CAMSAP1: variants seen among roughly 807,000 people sequenced by gnomAD.
The protein encoded by CAMSAP1 is calmodulin-regulated spectrin-associated protein 1.
Under a neutral mutation model 143.5 loss-of-function variants are expected in CAMSAP1, and 58 were observed. The ratio of observed to expected loss-of-function variants is 0.40; its 90% CI spans 0.33 to 0.50. The LOEUF is 0.50. Among genes scored for constraint, CAMSAP1 ranks in the 20% least tolerant of loss-of-function variants. The pLI is 0.45. For missense variants in CAMSAP1, 1,969 were observed against 2,115.7 expected, an observed-to-expected ratio of 0.93 and a Z score of 1.36; for synonymous variants, 945 against 859.3, an observed-to-expected ratio of 1.10 and a Z score of -1.74.
intron 7 of CAMSAP1, among the ~76,000 whole-genome samples, chr9:135,843,281 C>T (rs1836428671): frequency 6.6e-6 from 1 of 152,040 alleles, no homozygotes; most frequent in South Asian, 2.1e-4. Flanking sequence ...GAGCCAAGAC[C>T]ACACCATTGC....
At chr9:135,863,965 C>T (rs1325611414) in intron 4 of CAMSAP1, among the ~76,000 whole-genome samples, 1 of 152,178 alleles carries the variant, frequency 6.6e-6, no homozygotes, top group Non-Finnish European at 1.5e-5. Flanking sequence ...TCCGGAACTA[C>T]AAGAGTCCAG....
At position 135,820,352 on chromosome 9, in the gene CAMSAP1, C is replaced by T. The variant is rs781318601; in HGVS notation, c.3822+487G>A. Among the ~76,000 whole-genome samples the T allele has an allele frequency of 4.4e-4, 67 of 152,160 alleles. No homozygotes were observed. Among genetic ancestry groups the T allele is most frequent in the African/African-American group, 1.6e-3 (65 of 41,430 alleles). On this transcript the variant is annotated intron_variant, in intron 11 of 16. Transcript: ENST00000389532. The surrounding 1 kb of genome is among the most constrained non-coding windows in gnomAD (Gnocchi z 4.4). ...CTGACTATTAAAACAGTTCAGTTTA[C>T]GCTTCCCTTCATATCTAAGGAAAAA...
Position 135,822,863 on chromosome 9 carries a change from G to A in CAMSAP1, c.1798C>T (p.Leu600Phe), listed in dbSNP as rs1249707571. ...FFLEPLMPAV[L>F]KPAKEKQVIT... ...ACCTGCTTCTCTTTCGCTGGCTTAA[G>A]AACTGCTGGCATCAAAGGCTCCAAG... Residue 600 changes from leucine to phenylalanine, a missense_variant, in exon 11 of 17, where the codon CTT (leucine) becomes TTT (phenylalanine). Physicochemically the swap from Leu to Phe is conservative, Grantham distance 22 (BLOSUM62 0). This residue lies in a region of CAMSAP1 where 1,390 missense variants were observed against 1,420.8 expected (regional missense o/e 0.98). Transcript: ENST00000389532. The surrounding 1 kb of genome is among the most constrained non-coding windows in gnomAD (Gnocchi z 6.1). The A allele has an allele frequency of 1.2e-6, 2 of 1,613,834 alleles. No homozygotes were observed. The highest frequency in any genetic ancestry group is 2.7e-5 in the African/African-American group (2 of 74,904).
chr9:135,899,939 A>AT lies in CAMSAP1; in HGVS notation c.160+7060dup, dbSNP rs200682709. On this transcript the variant is annotated intron_variant, in intron 1 of 16. Transcript: ENST00000389532. ...CAAGCCCGTCATTATGGGTCTCTGT[A>AT]TATGCAGACACTTCCATTGCTACAG... Among the ~76,000 whole-genome samples the AT allele has an allele frequency of 3.4e-3, 511 of 152,250 alleles. 2 individuals carry two copies. The highest frequency in any genetic ancestry group is 0.014 in the Middle Eastern group (4 of 294).
chr9:135,853,595 A>T (rs1309179329), intron 5 of CAMSAP1, among the ~76,000 whole-genome samples: 1 of 152,266 alleles, frequency 6.6e-6, no homozygotes, highest in Non-Finnish European at 1.5e-5. Flanking sequence ...CAAGAGAAAT[A>T]GAAAAGCCGA....
chr9:135,895,970 C>G (rs1256205202), intron 1 of CAMSAP1, among the ~76,000 whole-genome samples: 1 of 151,910 alleles, frequency 6.6e-6, no homozygotes, highest in East Asian at 1.9e-4. Flanking sequence ...AGAAGAGAAA[C>G]AGGAACAAGA....
Position 135,811,218 on chromosome 9 carries a change from A to T in CAMSAP1, c.*91T>A. 1 of 1,388,450 alleles carries T rather than the reference A, an allele frequency of 7.2e-7. No individual in the cohort carries two copies. The highest frequency in any genetic ancestry group is 9.7e-7 in the Non-Finnish European group (1 of 1,029,914). The allele number at this position is 1,388,450 out of a possible 1,614,324, so 86.0% of individuals were successfully genotyped here. ...TCGTACCCAAATAGATGAAAACAAT[A>T]AATAAGGACCCCGTGGCACCCTCTG... is the stretch of plus-strand genomic sequence containing the variant. On this transcript the variant is annotated 3_prime_UTR_variant, in exon 17 of 17. Transcript: ENST00000389532. This position sits in a 1 kb window ranked among gnomAD's most constrained non-coding sequence, Gnocchi z 4.9.
chr9:135,906,966 CT>C (rs1406814714), intron 1 of CAMSAP1, 33 bp downstream of exon 1: 4 of 1,030,976 alleles, frequency 3.9e-6, no homozygotes, highest in South Asian at 4.4e-5. Context: ...GCCCGCGCCC[CT>C]GGCCCCCGCC....
chr9:135,885,772 A>C (rs189890386), intron 1 of CAMSAP1, among the ~76,000 whole-genome samples: 199 of 152,364 alleles, frequency 1.3e-3, no homozygotes, highest in African/African-American at 4.4e-3. Flanking sequence ...AGATGCAGGA[A>C]AATGAGAGTT....
chr9:135,897,231 T>C (rs530416146), intron 1 of CAMSAP1, among the ~76,000 whole-genome samples: 1 of 151,940 alleles, frequency 6.6e-6, no homozygotes, highest in Non-Finnish European at 1.5e-5. Context: ...TACAGCTCAT[T>C]GTAATCTCAA....
chr9:135,811,226 A>AC lies in CAMSAP1; in HGVS notation c.*82dup, dbSNP rs940138262. On this transcript the variant is annotated 3_prime_UTR_variant, in exon 17 of 17. Transcript: ENST00000389532. This position sits in a 1 kb window ranked among gnomAD's most constrained non-coding sequence, Gnocchi z 4.9. ...AAATAGATGAAAACAATAAATAAGG[A>AC]CCCCGTGGCACCCTCTGGATGCCAG... The AC allele has an allele frequency of 3.5e-6, 5 of 1,415,200 alleles. No homozygotes were observed. The highest frequency in any genetic ancestry group is 4.7e-5 in the Admixed American group (2 of 42,672). The allele number at this position is 1,415,200 out of a possible 1,614,324, so 87.7% of individuals were successfully genotyped here.
intron 8 of CAMSAP1, among the ~76,000 whole-genome samples, chr9:135,825,531 C>A (rs1427616273): frequency 6.6e-6 from 1 of 152,110 alleles, no homozygotes; most frequent in Non-Finnish European, 1.5e-5. Context: ...GTGTGAAGGC[C>A]TCACTCCCGG....
At chr9:135,849,214 C>T (rs138961598) in intron 7 of CAMSAP1, among the ~76,000 whole-genome samples, 3 of 152,168 alleles carry the variant, frequency 2.0e-5, no homozygotes, top group Admixed American at 6.5e-5. Context: ...TACAGCCGGG[C>T]GAAATCTAAC....
At chr9:135,841,932 GCCT>G (rs1255358969) in intron 7 of CAMSAP1, among the ~76,000 whole-genome samples, 5 of 152,268 alleles carry the variant, frequency 3.3e-5, no homozygotes, top group Non-Finnish European at 7.4e-5. Flanking sequence ...AAACCAGAAT[GCCT>G]CCTCTCCTCC....
intron 7 of CAMSAP1, among the ~76,000 whole-genome samples, chr9:135,846,107 ATCATGCTACCTGACT>A (rs1428582211): frequency 6.7e-6 from 1 of 148,864 alleles, no homozygotes; most frequent in Non-Finnish European, 1.5e-5. Flanking sequence ...AGCTGGAGGC[ATCATGCTACCTGACT>A]TCAAACTATA....
At chr9:135,854,288 A>G (rs1161839295) in intron 5 of CAMSAP1, among the ~76,000 whole-genome samples, 1 of 152,266 alleles carries the variant, frequency 6.6e-6, no homozygotes, top group Admixed American at 6.5e-5. Context: ...TTTCAAACAC[A>G]TATGGCACAC....
At chr9:135,812,938 A>AGAGT (rs1384214739) in intron 16 of CAMSAP1, among the ~76,000 whole-genome samples, 1 of 152,034 alleles carries the variant, frequency 6.6e-6, no homozygotes, top group African/African-American at 2.4e-5. Context: ...TCTGGGCGAC[A>AGAGT]GAGTGAGACT....
At chr9:135,849,279 T>C (rs920327310) in intron 7 of CAMSAP1, among the ~76,000 whole-genome samples, 2 of 152,230 alleles carry the variant, frequency 1.3e-5, no homozygotes, top group East Asian at 1.9e-4. Flanking sequence ...TACTGAATGC[T>C]GTACTGACAG....
intron 7 of CAMSAP1, among the ~76,000 whole-genome samples, chr9:135,828,372 G>T (rs117938832): frequency 1.3e-5 from 2 of 152,210 alleles, no homozygotes; most frequent in African/African-American, 4.8e-5. Context: ...AGCGGGTGGC[G>T]GCTGCACTGA....
Sources: allele counts gnomAD v4.1 joint callset (sites outside exome capture counted in the v4.1 genomes callset), GRCh38; gene constraint gnomAD v4.1.1; regional missense constraint gnomAD v4.1.1; non-coding constraint Gnocchi (gnomAD v3.1); transcripts MANE v1.5; gene names NCBI Gene and HGNC (gene_info 2026-07-23, HGNC 2026-07-21).